The following MCTP1 variants were observed in gnomAD, a reference collection of about 807,000 sequenced individuals.
MCTP1 encodes multiple C2 and transmembrane domain containing 1.
In MCTP1, 69 loss-of-function variants were observed where a neutral mutation model predicts 120.6. That is an observed-to-expected ratio of 0.57 (90% CI 0.47 to 0.70). The LOEUF (loss-of-function observed/expected upper bound fraction) is 0.70, where lower values mean the gene tolerates loss of function less well. Among genes scored for constraint, MCTP1 ranks in the 30% least tolerant of loss-of-function variants. The pLI, the probability that MCTP1 is intolerant of heterozygous loss-of-function variation, is 0.00. For missense variants in MCTP1, 1,203 were observed against 1,248.8 expected, an observed-to-expected ratio of 0.96 and a Z score of 0.55; for synonymous variants, 529 against 493.1, an observed-to-expected ratio of 1.07 and a Z score of -0.96.
intron 1 of MCTP1, among the ~76,000 whole-genome samples, chr5:95,133,590 G>A (rs1759215866): frequency 6.6e-6 from 1 of 152,372 alleles, no homozygotes; most frequent in Non-Finnish European, 1.5e-5. Flanking sequence ...GGGAGGTGAA[G>A]GTTGCAGTGA....
intron 1 of MCTP1, among the ~76,000 whole-genome samples, chr5:95,108,800 T>C (rs1757270826): frequency 6.6e-6 from 1 of 152,100 alleles, no homozygotes; most frequent in African/African-American, 2.4e-5. Context: ...TTAGAATGGG[T>C]TGAAAGAAAT....
At chr5:94,961,202 C>T (rs1320699523) in intron 2 of MCTP1, among the ~76,000 whole-genome samples, 1 of 140,096 alleles carries the variant, frequency 7.1e-6, no homozygotes, top group Non-Finnish European at 1.5e-5. Flanking sequence ...TGTTCTCACT[C>T]ATAAGTGGGA....
chr5:94,815,180 A>G (rs1784265924), intron 17 of MCTP1, among the ~76,000 whole-genome samples: 1 of 152,208 alleles, frequency 6.6e-6, no homozygotes, highest in South Asian at 2.1e-4. Context: ...AGGACAAGTG[A>G]AATACACCTG....
At chr5:94,995,616 T>A (rs73138025) in intron 2 of MCTP1, among the ~76,000 whole-genome samples, 12,185 of 152,150 alleles carry the variant, frequency 0.08, 1,619 homozygotes, top group African/African-American at 0.28. Context: ...GGGGAAAGAG[T>A]TATCCCTAAA....
At chr5:95,211,715 T>C (rs1752399829) in intron 1 of MCTP1, among the ~76,000 whole-genome samples, 1 of 152,236 alleles carries the variant, frequency 6.6e-6, no homozygotes, top group Non-Finnish European at 1.5e-5. Context: ...CCATTGCTGG[T>C]GAGGAACTGC....
chr5:94,841,202 A>G lies in MCTP1; in HGVS notation c.2436+27131T>C, dbSNP rs536200429. ...AACGGAAACAGGAATAGAAAGGCATATCCCCAGGACAGAAAGGTGCCACTG... is the reference window on the plus strand; with the variant it reads ...AACGGAAACAGGAATAGAAAGGCATGTCCCCAGGACAGAAAGGTGCCACTG... On this transcript the variant is annotated intron_variant, in intron 17 of 22. Coordinates refer to ENST00000515393, the MANE Select transcript of MCTP1 (RefSeq NM_024717.7). 6.6e-5 allele frequency among the ~76,000 whole-genome samples: 10 copies of G among 152,312 alleles called. No homozygotes were observed. The East Asian group carries it at 1.5e-3, about 24-fold the overall frequency.
intron 1 of MCTP1, among the ~76,000 whole-genome samples, chr5:95,120,180 A>C (rs1248483693): frequency 1.3e-5 from 2 of 151,048 alleles, no homozygotes; most frequent in Non-Finnish European, 3.0e-5. Context: ...CCATCTCAAA[A>C]AAAAAAAAAA....
In MCTP1 at chr5:94,894,649, A is replaced by G. The variant is rs1803472392; in HGVS notation, c.1839T>C (p.Tyr613=). The G allele has an allele frequency of 1.9e-6, 3 of 1,595,866 alleles. No individual in the cohort carries two copies. Among genetic ancestry groups the G allele is most frequent in the East Asian group, 4.5e-5 (2 of 44,494 alleles). Reference sequence around the variant, plus strand: ...GGAAGGAGGAGGGTTACATACGTACATATCTCTTTAATATCTCCTCTCGTT... The same window carrying G: ...GGAAGGAGGAGGGTTACATACGTACGTATCTCTTTAATATCTCCTCTCGTT... The part of the protein sequence containing the change: ...QKEREEILKR[Y]SPLRIFHNLK... Residue 613 remains tyrosine, a splice_region_variant and synonymous_variant, in exon 11 of 23, where the codon TAT becomes TAC. Transcript: ENST00000515393.
At chr5:95,085,033 T>G (rs1414526003) in intron 1 of MCTP1, among the ~76,000 whole-genome samples, 1 of 152,126 alleles carries the variant, frequency 6.6e-6, no homozygotes, top group Non-Finnish European at 1.5e-5. Context: ...CTAAGCCCAC[T>G]GATCCTAGTA....
chr5:94,806,067 G>C (rs945064449), intron 17 of MCTP1, among the ~76,000 whole-genome samples: 3 of 151,620 alleles, frequency 2.0e-5, no homozygotes, highest in African/African-American at 7.3e-5. Context: ...TGGCAAAGAG[G>C]TCAAAAACTA....
chr5:95,175,333 G>A (rs1465421122), intron 1 of MCTP1, among the ~76,000 whole-genome samples: 2 of 152,132 alleles, frequency 1.3e-5, no homozygotes, highest in Non-Finnish European at 2.9e-5. Flanking sequence ...CCTTTAGCAG[G>A]CAAACACGCA....
At chr5:95,233,529 C>T (rs970550454) in intron 1 of MCTP1, among the ~76,000 whole-genome samples, 2 of 152,108 alleles carry the variant, frequency 1.3e-5, no homozygotes, top group Non-Finnish European at 1.5e-5. Flanking sequence ...CGGGGTTTCA[C>T]TGTGTTAGCC....
At chr5:94,752,108 A>AATAT (rs146434254) in intron 19 of MCTP1, among the ~76,000 whole-genome samples, 4,832 of 75,064 alleles carry the variant, frequency 0.064, 496 homozygotes, top group Non-Finnish European at 0.1. Flanking sequence ...TAAATAATAA[A>AATAT]ATATATATAT....
intron 1 of MCTP1, among the ~76,000 whole-genome samples, chr5:95,101,763 A>G (rs1282218680): frequency 1.3e-5 from 2 of 152,234 alleles, no homozygotes; most frequent in East Asian, 1.9e-4. Flanking sequence ...CACAGGTTCA[A>G]TGGAGAGAAT....
At chr5:95,174,633 G>C (rs1451285277) in intron 1 of MCTP1, among the ~76,000 whole-genome samples, 2 of 152,102 alleles carry the variant, frequency 1.3e-5, no homozygotes, top group Non-Finnish European at 2.9e-5. Context: ...AACTACTTCA[G>C]CTCCCTTGCC....
rs5869649 is a variant in MCTP1, at chr5:94,760,692, GTT to G, written c.2610+18416_2610+18417del. 3.0e-3 allele frequency among the ~76,000 whole-genome samples: 436 copies of G among 145,508 alleles called. 1 individual carries two copies. The highest frequency in any genetic ancestry group is 0.011 in the African/African-American group (425 of 39,802). ...TACCTACAGTTTCTACAACAAAATTGTTTTTTTTTTTTTGAGACAGTATCACT... is the reference window on the plus strand; with the variant it reads ...TACCTACAGTTTCTACAACAAAATTGTTTTTTTTTTTGAGACAGTATCACT... On this transcript the variant is annotated intron_variant, in intron 19 of 22. Coordinates refer to ENST00000515393, the MANE Select transcript of MCTP1 (RefSeq NM_024717.7).
intron 1 of MCTP1, among the ~76,000 whole-genome samples, chr5:95,057,365 G>T (rs1401050308): frequency 6.6e-6 from 1 of 151,978 alleles, no homozygotes; most frequent in Admixed American, 6.6e-5. Context: ...TAATGCAGTG[G>T]GAAAATGAAT....
chr5:95,077,649 T>C (rs1188596022), intron 1 of MCTP1, among the ~76,000 whole-genome samples: 8 of 152,136 alleles, frequency 5.3e-5, no homozygotes, highest in Admixed American at 4.6e-4. Context: ...ATTGTTTGTA[T>C]TTTTAGTAGA....
chr5:94,828,725 C>T (rs928043721), intron 17 of MCTP1, among the ~76,000 whole-genome samples: 2 of 152,138 alleles, frequency 1.3e-5, no homozygotes, highest in South Asian at 2.1e-4. Context: ...CTGCCCATTC[C>T]GAACTTCCTG....
Sources: gnomAD v4.1 joint callset for allele counts (sites outside exome capture counted in the v4.1 genomes callset) on GRCh38, gnomAD v4.1.1 for gene constraint, MANE v1.5 for transcripts, NCBI Gene and HGNC (gene_info 2026-07-23, HGNC 2026-07-21) for gene names.